The following DDX10 variants were observed in gnomAD, a reference collection of about 807,000 sequenced individuals.
DDX10 encodes DEAD-box helicase 10, also known as probable ATP-dependent RNA helicase DDX10.
A neutral mutation model predicts 104.3 loss-of-function variants in DDX10; 74 were observed. The ratio of observed to expected loss-of-function variants is 0.71; its 90% CI spans 0.59 to 0.86. The LOEUF is 0.86. DDX10 is among the 40% of genes least tolerant of loss of function. DDX10 has a pLI of 0.00. For synonymous variants in DDX10, 351 were observed against 353.4 expected, an observed-to-expected ratio of 0.99 and a Z score of 0.08; for missense variants, 952 against 1,040.0, an observed-to-expected ratio of 0.92 and a Z score of 1.16.
At chr11:108,712,693 G>A (rs569446121) in intron 10 of DDX10, among the ~76,000 whole-genome samples, 39 of 151,662 alleles carry the variant, frequency 2.6e-4, no homozygotes, top group Non-Finnish European at 4.0e-4. Context: ...AACACGCTGG[G>A]GCTATTAATT....
chr11:108,754,285 A>G (rs1025415244), intron 13 of DDX10, among the ~76,000 whole-genome samples: 3 of 152,002 alleles, frequency 2.0e-5, no homozygotes, highest in Middle Eastern at 3.2e-3. Flanking sequence ...GAGTTGTCTA[A>G]GTAGCATGAA....
At chr11:108,710,853 T>G (rs2094283418) in intron 10 of DDX10, among the ~76,000 whole-genome samples, 1 of 152,220 alleles carries the variant, frequency 6.6e-6, no homozygotes, top group African/African-American at 2.4e-5. Context: ...ATTTTTCAGC[T>G]TCACTAGCAC....
At chr11:108,796,554 G>A (rs1431614714) in intron 13 of DDX10, among the ~76,000 whole-genome samples, 1 of 152,266 alleles carries the variant, frequency 6.6e-6, no homozygotes, top group Non-Finnish European at 1.5e-5. Context: ...TGGGATGACA[G>A]ACTTGCCTTT....
At position 108,837,713 on chromosome 11, in the gene DDX10, C is replaced by A. The variant is rs1007679971; in HGVS notation, c.1966-733C>A. Among the ~76,000 whole-genome samples the A allele has an allele frequency of 9.0e-5, 13 of 145,194 alleles. No homozygotes were observed. In the South Asian group the frequency reaches 2.9e-3, roughly 32 times the overall value. On this transcript the variant is annotated intron_variant, in intron 13 of 17. Coordinates refer to ENST00000322536, the MANE Select transcript of DDX10 (RefSeq NM_004398.4). Reference sequence around the variant, plus strand: ...TCTTCACTCACTGCAGCCTCCACCTCCTGGGTTCAAGCAATTCCCCTGCCT... The same window carrying A: ...TCTTCACTCACTGCAGCCTCCACCTACTGGGTTCAAGCAATTCCCCTGCCT...
chr11:108,686,093 G>GT (rs1253438082), intron 6 of DDX10, among the ~76,000 whole-genome samples: 4 of 152,034 alleles, frequency 2.6e-5, no homozygotes, highest in South Asian at 2.1e-4. Flanking sequence ...TTTAAAGACT[G>GT]TTTTTTTAGA....
rs199498197 is a variant in DDX10 at position 108,696,049 on chromosome 11, ACTTT to A, written c.1223+2457_1223+2460del. 4.0e-3 allele frequency among the ~76,000 whole-genome samples: 613 copies of A among 152,260 alleles called. 3 individuals are homozygous for A. The highest frequency in any genetic ancestry group is 7.1e-3 in the Admixed American group (109 of 15,286). On this transcript the variant is annotated intron_variant, in intron 9 of 17. Coordinates refer to ENST00000322536, the MANE Select transcript of DDX10 (RefSeq NM_004398.4). ...ACATTTAGACAAACTTGTTTTTAGA[ACTTT>A]CTTTCTTCTTGGAACTAACTAAAAT...
chr11:108,894,818 G>A (rs544386548), intron 16 of DDX10, among the ~76,000 whole-genome samples: 3 of 151,932 alleles, frequency 2.0e-5, no homozygotes, highest in South Asian at 2.1e-4. Flanking sequence ...GAGGGCACTC[G>A]GGCATTTTAT....
rs2094260731 is a variant in DDX10 at position 108,696,950 on chromosome 11, G to T, written c.1223+3350G>T. On this transcript the variant is annotated intron_variant, in intron 9 of 17. Coordinates refer to ENST00000322536, the MANE Select transcript of DDX10 (RefSeq NM_004398.4). ...TATTTCAAGGTTCTTGGTTCCTAGA[G>T]AAGTTGTTGAAAATTTTATGTAGTT... is the stretch of plus-strand genomic sequence containing the variant. Among the ~76,000 whole-genome samples the T allele has an allele frequency of 1.3e-5, 2 of 152,152 alleles. 1 individual carries two copies. Among genetic ancestry groups the T allele is most frequent in the South Asian group, 4.1e-4 (2 of 4,824 alleles).
At chr11:108,760,600 AAT>A (rs1166681688) in intron 13 of DDX10, among the ~76,000 whole-genome samples, 2 of 151,908 alleles carry the variant, frequency 1.3e-5, no homozygotes, top group Non-Finnish European at 2.9e-5. Flanking sequence ...ATGTAAATGA[AAT>A]ATGTTTTTAT....
chr11:108,682,654 G>A (rs149193132), intron 6 of DDX10, among the ~76,000 whole-genome samples: 47 of 151,984 alleles, frequency 3.1e-4, no homozygotes, highest in Non-Finnish European at 3.8e-4. Flanking sequence ...TTAATTCCAC[G>A]TGTATCTTAA....
rs1209874394 is a variant in DDX10 at position 108,678,406 on chromosome 11, C to T, written c.629C>T (p.Ser210Phe). ...RLLQHMDETV[S>F]FHATDLQMLV... ...CTTCAACACATGGATGAAACAGTAT[C>T]TTTTCATGCTACCGACCTCCAAATG... Residue 210 changes from serine (S) to phenylalanine (F), a missense_variant, in exon 5 of 18, where the codon TCT becomes TTT. Ser to Phe is a radical substitution (Grantham distance 155). Coordinates refer to ENST00000322536, the MANE Select transcript of DDX10 (RefSeq NM_004398.4). 3.1e-6 allele frequency: 5 copies of T among 1,609,808 alleles called. No homozygotes were observed. In the African/African-American group the frequency reaches 4.0e-5, roughly 13 times the overall value.
intron 16 of DDX10, among the ~76,000 whole-genome samples, chr11:108,873,324 G>A (rs1863107176): frequency 6.6e-6 from 1 of 152,146 alleles, no homozygotes; most frequent in Non-Finnish European, 1.5e-5. Context: ...TCAAAAATGA[G>A]TATGTTGCCT....
chr11:108,709,728 T>C (rs2094281494), intron 10 of DDX10, among the ~76,000 whole-genome samples: 1 of 152,154 alleles, frequency 6.6e-6, no homozygotes, highest in African/African-American at 2.4e-5. Context: ...AAGAACCAGC[T>C]CTTGGTTTAA....
intron 9 of DDX10, among the ~76,000 whole-genome samples, chr11:108,696,952 AG>A: frequency 6.6e-6 from 1 of 152,166 alleles, no homozygotes; most frequent in East Asian, 1.9e-4. Flanking sequence ...TTCCTAGAGA[AG>A]TTGTTGAAAA....
In DDX10 at chr11:108,731,653, C is replaced by CA. The variant is rs1387419940; in HGVS notation, c.1965+8192dup. Among the ~76,000 whole-genome samples the CA allele has an allele frequency of 2.0e-4, 31 of 152,144 alleles. No homozygotes were observed. The South Asian group carries it at 6.4e-3, about 32-fold the overall frequency. On this transcript the variant is annotated intron_variant, in intron 13 of 17. Coordinates refer to ENST00000322536, the MANE Select transcript of DDX10 (RefSeq NM_004398.4). ...CTGGACTCAAACCATCCTCCTGCCT[C>CA]AGCCTCCCAAAGTTCTGGGATTATA...
At chr11:108,832,480 A>T (rs1251227798) in intron 13 of DDX10, among the ~76,000 whole-genome samples, 1 of 152,226 alleles carries the variant, frequency 6.6e-6, no homozygotes, top group Admixed American at 6.5e-5. Flanking sequence ...CAACTTGATA[A>T]ATTAAATGCC....
chr11:108,783,880 C>T lies in DDX10; in HGVS notation c.1966-54566C>T, dbSNP rs76476254. ...CATCGTTATGTCTGTGTGTATTCAA[C>T]GTTTCCATTCCCATTTAGAAGTAAG... On this transcript the variant is annotated intron_variant, in intron 13 of 17. Transcript: ENST00000322536. 2.6e-5 allele frequency among the ~76,000 whole-genome samples: 4 copies of T among 152,144 alleles called. No individual in the cohort carries two copies. In the East Asian group the frequency reaches 5.8e-4, roughly 22 times the overall value.
intron 13 of DDX10, among the ~76,000 whole-genome samples, chr11:108,820,815 G>A (rs1166334201): frequency 1.3e-5 from 2 of 152,178 alleles, no homozygotes; most frequent in African/African-American, 2.4e-5. Flanking sequence ...CTCACATCAC[G>A]CTTTATTGCC....
intron 13 of DDX10, among the ~76,000 whole-genome samples, chr11:108,817,958 T>C (rs541504216): frequency 1.5e-4 from 23 of 152,318 alleles, no homozygotes; most frequent in African/African-American, 5.3e-4. Flanking sequence ...AAGCACAGCT[T>C]TTCTTATTTC....
Sources: gnomAD v4.1 joint callset for allele counts (sites outside exome capture counted in the v4.1 genomes callset) on GRCh38, gnomAD v4.1.1 for gene constraint, MANE v1.5 for transcripts, NCBI Gene and HGNC (gene_info 2026-07-23, HGNC 2026-07-21) for gene names.